LRIG2: variants seen among roughly 807,000 people sequenced by gnomAD.
The protein encoded by LRIG2 is leucine-rich repeats and immunoglobulin-like domains protein 2.
A neutral mutation model predicts 107.8 loss-of-function variants in LRIG2; 93 were observed. The observed-to-expected ratio is 0.86, with a 90% CI of 0.73 to 1.03. The LOEUF (loss-of-function observed/expected upper bound fraction) is 1.03. Ranked by LOEUF, LRIG2 falls within the 50% of genes least tolerant of loss-of-function variation. The pLI is 0.00. For missense variants in LRIG2, 1,226 were observed against 1,296.0 expected (o/e 0.95, Z 0.83); for synonymous variants, 471 against 470.6 (o/e 1.00, Z -0.01).
rs371609848 is a variant in LRIG2, at chr1:113,096,344, T to A, written c.1070T>A (p.Phe357Tyr). The change falls in exon 8 of 18, where the codon TTT (phenylalanine) becomes TAT (tyrosine). Residue 357 changes from phenylalanine to tyrosine, a missense_variant. Phe to Tyr is a conservative substitution (Grantham distance 22). This residue lies in a region of LRIG2 where 570 missense variants were observed against 550.2 expected (regional missense o/e 1.04). Transcript: ENST00000361127. ...CATATTGCTGATGGTGTATTTAGAT[T>A]TCTTTCCAATCTTCAGACATTGTAA... ...VTHIADGVFRFLSNLQTLDLR... is the reference protein window; with the variant it reads ...VTHIADGVFRYLSNLQTLDLR... 7 of 1,613,466 alleles carry A rather than the reference T, an allele frequency of 4.3e-6. No homozygotes were observed. The African/African-American group carries it at 9.3e-5, about 22-fold the overall frequency.
intron 14 of LRIG2, among the ~76,000 whole-genome samples, chr1:113,113,350 GTTGT>G (rs983449188): frequency 3.7e-4 from 55 of 150,326 alleles, no homozygotes; most frequent in African/African-American, 1.3e-3. Flanking sequence ...TTTTGTTGTT[GTTGT>G]TTGTTTGTTT....
At chr1:113,090,462 A>T (rs1653751640) in intron 1 of LRIG2, among the ~76,000 whole-genome samples, 2 of 152,086 alleles carry the variant, frequency 1.3e-5, no homozygotes, top group South Asian at 4.1e-4. Context: ...TGAAATTCAG[A>T]TACATTTTTA....
chr1:113,077,439 G>A (rs553664057), intron 1 of LRIG2, among the ~76,000 whole-genome samples: 1 of 152,294 alleles, frequency 6.6e-6, no homozygotes, highest in South Asian at 2.1e-4. Context: ...ACTGTGCCTG[G>A]CCAGCTGCTA....
At position 113,114,711 on chromosome 1, in the gene LRIG2, T is replaced by C; in HGVS notation, c.2365T>C (p.Cys789Arg). ...CCTAAATGTCATTTCATCCCCCAAT[T>C]GTGACTCTTCCCAGAGTAGCATTGG... is the stretch of plus-strand genomic sequence containing the variant. Reference protein sequence around the residue: ...IYLNVISSPNCDSSQSSIGHE... With the variant: ...IYLNVISSPNRDSSQSSIGHE... The change falls in exon 15 of 18, where the codon TGT becomes CGT. Residue 789 changes from cysteine to arginine, a missense_variant. Physicochemically the swap from Cys to Arg is radical, Grantham distance 180. Around this residue, in one of 3 missense-constraint regions of LRIG2, gnomAD observed 642 missense variants for 712.2 expected, o/e 0.90. Transcript: ENST00000361127. The C allele has an allele frequency of 6.2e-7, 1 of 1,614,160 alleles. No individual in the cohort carries two copies.
intron 6 of LRIG2, among the ~76,000 whole-genome samples, chr1:113,094,984 A>ATATT (rs138090493): frequency 0.1 from 14,204 of 139,618 alleles, 975 homozygotes; most frequent in African/African-American, 0.19. Context: ...ATATATATAT[A>ATATT]TTTTTTTTGA....
Position 113,073,566 on chromosome 1 carries a change from C to A in LRIG2, c.160C>A (p.Leu54Met), listed in dbSNP as rs554168886. ...GCCCTGCTCCTGCCGCATTCCTCTC[C>A]TGGACTGCAGTCGCAGGAAATTGCC... The part of the protein sequence containing the change: ...PAPCSCRIPL[L>M]DCSRRKLPAP... Residue 54 changes from leucine to methionine, a missense_variant, in exon 1 of 18, where the codon CTG (leucine) becomes ATG (methionine). Physicochemically the swap from Leu to Met is conservative, Grantham distance 15. This residue lies in a region of LRIG2 where 570 missense variants were observed against 550.2 expected (regional missense o/e 1.04). Coordinates refer to ENST00000361127, the MANE Select transcript of LRIG2 (RefSeq NM_014813.3). The A allele has an allele frequency of 2.0e-5, 33 of 1,613,988 alleles. No homozygotes were observed. Among genetic ancestry groups the A allele is most frequent in the Non-Finnish European group, 2.5e-5 (30 of 1,180,036 alleles).
intron 15 of LRIG2, among the ~76,000 whole-genome samples, chr1:113,115,972 G>C (rs770404897): frequency 9.2e-5 from 14 of 152,100 alleles, no homozygotes; most frequent in Non-Finnish European, 1.9e-4. Flanking sequence ...CTGGATCATT[G>C]AGGTCAGTCT....
rs572011113 is a variant in LRIG2, at chr1:113,086,427, A to T, written c.240-4891A>T. ...AGCACTGTCATACCCAAAATATTAG[A>T]TACAATATTTTCTTATGATTTAACT... On this transcript the variant is annotated intron_variant, in intron 1 of 17. Transcript: ENST00000361127. Among the ~76,000 whole-genome samples, 148 of 152,328 alleles carry T rather than the reference A, an allele frequency of 9.7e-4. 4 individuals carry two copies. The South Asian group carries it at 0.03, about 31-fold the overall frequency.
chr1:113,088,188 T>A (rs1653641323), intron 1 of LRIG2, among the ~76,000 whole-genome samples: 1 of 152,178 alleles, frequency 6.6e-6, no homozygotes, highest in Admixed American at 6.5e-5. Flanking sequence ...GAGAGCCTCA[T>A]TATATGGGGC....
rs2101076720 is a variant in LRIG2, at chr1:113,125,562, A to G, written c.*1461A>G. ...AGATCGGGTTGTTACTTTATGTATA[A>G]TGAACGCTTCAAAAACTGGAGGCTG... On this transcript the variant is annotated 3_prime_UTR_variant, in exon 18 of 18. Coordinates refer to ENST00000361127, the MANE Select transcript of LRIG2 (RefSeq NM_014813.3). 6.6e-6 allele frequency: 1 copy of G among 152,320 alleles called. No homozygotes were observed. The highest frequency in any genetic ancestry group is 1.9e-4 in the East Asian group (1 of 5,190). The allele number at this position is 152,320 out of a possible 1,614,324, so 9.4% of individuals were successfully genotyped here. A position where few individuals can be genotyped will look rare whatever the true frequency, so the allele number is the denominator to read the frequency against.
chr1:113,114,811 TG>T lies in LRIG2; in HGVS notation c.2466del (p.Ile823SerfsTer9), dbSNP rs1273746393. The T allele has an allele frequency of 6.2e-7, 1 of 1,614,158 alleles. No individual in the cohort carries two copies. ...GTCTGCTGTGTTGTTGGCACTTCTT[TG>T]ATCTGGGTCATTGTTATTTACCACA... ...VVVCCVVGTS[L>X]IWVIVIYHMR... is the part of the protein sequence containing the mutation. On this transcript the variant is annotated frameshift_variant, in exon 15 of 18. Transcript: ENST00000361127. LOFTEE classifies it high-confidence loss of function.
chr1:113,109,204 C>T (rs1348196560), intron 12 of LRIG2, among the ~76,000 whole-genome samples: 1 of 152,170 alleles, frequency 6.6e-6, no homozygotes, highest in African/African-American at 2.4e-5. Flanking sequence ...ATATTTCTTC[C>T]TCCCCTTCCA....
At position 113,098,754 on chromosome 1, in the gene LRIG2, G is replaced by A; in HGVS notation, c.1141G>A (p.Ala381Thr). The A allele has an allele frequency of 1.9e-6, 3 of 1,612,256 alleles. No individual in the cohort carries two copies. The highest frequency in any genetic ancestry group is 2.5e-6 in the Non-Finnish European group (3 of 1,178,464). Residue 381 changes from alanine to threonine, a missense_variant, in exon 9 of 18, where the codon GCC (alanine) becomes ACC (threonine). Transcript: ENST00000361127. ...ISWAIEDASEAFAGLTSLTKL... is the reference protein window; with the variant it reads ...ISWAIEDASETFAGLTSLTKL... ...ATGGGCCATAGAAGATGCTAGTGAA[G>A]CCTTTGCTGGACTCACAAGTCTCAC... is the stretch of plus-strand genomic sequence containing the variant.
chr1:113,092,756 C>T (rs1653883709), intron 2 of LRIG2, among the ~76,000 whole-genome samples: 1 of 152,092 alleles, frequency 6.6e-6, no homozygotes. Flanking sequence ...TTTGGGAGGC[C>T]AAGGTGGGCA....
At position 113,123,886 on chromosome 1, in the gene LRIG2, C is replaced by T. The variant is rs151009293; in HGVS notation, c.2983C>T (p.Arg995Trp). 54 of 1,613,780 alleles carry T rather than the reference C, an allele frequency of 3.3e-5. No individual in the cohort carries two copies. The highest frequency in any genetic ancestry group is 2.1e-4 in the African/African-American group (16 of 75,000). Reference sequence around the variant, plus strand: ...TCTTTCATTCTCAGAAACATTGCAGCGGCCCGTGTGGAACATAAACAGAGA... The same window carrying T: ...TCTTTCATTCTCAGAAACATTGCAGTGGCCCGTGTGGAACATAAACAGAGA... Reference protein sequence around the residue: ...STQMSGETLQRPVWNINRELG... With the variant: ...STQMSGETLQWPVWNINRELG... The change falls in exon 18 of 18, where the codon CGG becomes TGG. Residue 995 changes from arginine (R) to tryptophan (W), a missense_variant. Physicochemically the swap from Arg to Trp is moderately radical, Grantham distance 101. Coordinates refer to ENST00000361127, the MANE Select transcript of LRIG2 (RefSeq NM_014813.3).
chr1:113,113,381 TTACAA>T (rs1654855018), intron 14 of LRIG2, among the ~76,000 whole-genome samples: 1 of 151,588 alleles, frequency 6.6e-6, no homozygotes, highest in South Asian at 2.1e-4. Context: ...TTCTTCCTTA[TTACAA>T]TACTTTTCTT....
intron 17 of LRIG2, 110 bp downstream of exon 17, chr1:113,119,633 A>G (rs888956326): frequency 4.4e-6 from 4 of 918,922 alleles, no homozygotes; most frequent in Non-Finnish European, 6.6e-6. Flanking sequence ...AGATGGGTAT[A>G]TAGGAGTAAC....
In LRIG2 at chr1:113,110,556, G is replaced by C. The variant is rs61752502; in HGVS notation, c.1792G>C (p.Val598Leu). The change falls in exon 13 of 18, where the codon GTA (valine) becomes CTA (leucine). Residue 598 changes from valine (V) to leucine (L), a missense_variant. By Grantham distance (32) the Val-to-Leu change is conservative. This residue lies in a region of LRIG2 where 642 missense variants were observed against 712.2 expected (regional missense o/e 0.90). Transcript: ENST00000361127. ...SNYSQKAKLT[V>L]NEMPSFLKTP... ...TTATTCTCAGAAAGCCAAACTGACT[G>C]TAAATGGTAAGGAATTATGCTCCTT... 1.9e-6 allele frequency: 3 copies of C among 1,598,650 alleles called. No individual in the cohort carries two copies. Among genetic ancestry groups the C allele is most frequent in the Non-Finnish European group, 2.6e-6 (3 of 1,168,502 alleles).
chr1:113,112,618 TCGAGAAAGACGCATGCACGTCATGCC>T lies in LRIG2; in HGVS notation c.1943_1968del (p.Glu648GlyfsTer2). The T allele has an allele frequency of 6.2e-7, 1 of 1,614,192 alleles. No homozygotes were observed. Among genetic ancestry groups the T allele is most frequent in the Non-Finnish European group, 8.5e-7 (1 of 1,180,040 alleles). On this transcript the variant is annotated frameshift_variant, in exon 14 of 18. Coordinates refer to ENST00000361127, the MANE Select transcript of LRIG2 (RefSeq NM_014813.3). LOFTEE classifies it high-confidence loss of function. ...ATGGTGGTACTGACTTTCCTGCGGC[TCGAGAAAGACGCATGCACGTCATGCC>T]CGAGGATGACGTCTTCTTTATTGCC...
Sources: gnomAD v4.1 joint callset for allele counts (sites outside exome capture counted in the v4.1 genomes callset) on GRCh38, gnomAD v4.1.1 for gene constraint, gnomAD v4.1.1 regional missense constraint, MANE v1.5 for transcripts, NCBI Gene and HGNC (gene_info 2026-07-23, HGNC 2026-07-21) for gene names.